ENOX1: variants seen among roughly 807,000 people sequenced by gnomAD.
ENOX1 encodes ecto-NOX disulfide-thiol exchanger 1, also known as candidate growth-related and time keeping constitutive hydroquinone (NADH) oxidase.
ENOX1 carries 42 observed loss-of-function variants against 82.5 expected under a neutral mutation model. That is an observed-to-expected ratio of 0.51 (90% CI 0.40 to 0.66). The LOEUF is 0.66. ENOX1 is among the 30% of genes least tolerant of loss of function. The pLI, the probability that ENOX1 is intolerant of heterozygous loss-of-function variation, is 0.00. For missense variants in ENOX1, 608 were observed against 811.6 expected (o/e 0.75, Z 3.05); for synonymous variants, 271 against 282.2 (o/e 0.96, Z 0.40).
Position 43,537,115 on chromosome 13 carries a change from A to T in ENOX1, c.-218-52963T>A, listed in dbSNP as rs575710689. Among the ~76,000 whole-genome samples the T allele has an allele frequency of 4.6e-5, 7 of 152,346 alleles. No individual in the cohort carries two copies. The East Asian group carries it at 1.4e-3, about 29-fold the overall frequency. The stretch of plus-strand genomic sequence containing the variant: ...ATCCTGGGCAGAGAAACTGCAATAA[A>T]TGCAGAGCTAATAATTCAGAATGGT... On this transcript the variant is annotated intron_variant, in intron 2 of 16. Transcript: ENST00000690772.
chr13:43,252,292 T>C (rs1426369819), intron 14 of ENOX1, among the ~76,000 whole-genome samples: 1 of 152,084 alleles, frequency 6.6e-6, no homozygotes, highest in East Asian at 1.9e-4. Flanking sequence ...TTGAGGTTTT[T>C]CTTGGAAAAA....
intron 2 of ENOX1, among the ~76,000 whole-genome samples, chr13:43,638,064 C>T (rs761880608): frequency 7.2e-5 from 11 of 152,160 alleles, no homozygotes; most frequent in Non-Finnish European, 1.5e-4. Context: ...TTGTTCAACT[C>T]GTCCTCTAAG....
intron 1 of ENOX1, among the ~76,000 whole-genome samples, chr13:43,685,385 T>C (rs1177948419): frequency 6.6e-6 from 1 of 151,728 alleles, no homozygotes; most frequent in Non-Finnish European, 1.5e-5. Flanking sequence ...TGGTAAGGAG[T>C]TGAGTATGGC....
At chr13:43,329,846 ACT>A (rs1407978555) in intron 9 of ENOX1, among the ~76,000 whole-genome samples, 2 of 152,144 alleles carry the variant, frequency 1.3e-5, no homozygotes, top group African/African-American at 4.8e-5. Context: ...TGCTGCACAC[ACT>A]GTCCCTGAAC....
chr13:43,581,642 T>C (rs2080747084), intron 2 of ENOX1, among the ~76,000 whole-genome samples: 1 of 152,110 alleles, frequency 6.6e-6, no homozygotes, highest in Admixed American at 6.5e-5. Flanking sequence ...TGATTACGAG[T>C]GATACTTTCC....
In ENOX1 at chr13:43,355,798, C is replaced by G; in HGVS notation, c.823+121G>C. ...CTGTGCTTACACCAGACTCTTACAG[C>G]CTTCTTAAGGCATAGCAGACATTGT... is the stretch of plus-strand genomic sequence containing the variant. On this transcript the variant is annotated intron_variant, in intron 8 of 16. Transcript: ENST00000690772. The G allele has an allele frequency of 7.8e-6, 8 of 1,020,382 alleles. 1 individual carries two copies. The highest frequency in any genetic ancestry group is 6.2e-5 in the South Asian group (4 of 65,028). 63.2% of individuals were successfully genotyped at this position (1,020,382 alleles called of 1,614,324 possible). A position where few individuals can be genotyped will look rare whatever the true frequency, so the allele number is the denominator to read the frequency against.
intron 9 of ENOX1, among the ~76,000 whole-genome samples, chr13:43,337,824 A>T (rs1266716555): frequency 2.0e-5 from 3 of 152,152 alleles, no homozygotes; most frequent in Admixed American, 2.0e-4. Context: ...CCCATAAACT[A>T]CTAAATGACC....
chr13:43,779,664 C>A (rs1952138171), intron 1 of ENOX1, among the ~76,000 whole-genome samples: 2 of 152,132 alleles, frequency 1.3e-5, no homozygotes, highest in African/African-American at 4.8e-5. Context: ...TTCCTATGAA[C>A]AGACAGATTT....
intron 2 of ENOX1, among the ~76,000 whole-genome samples, chr13:43,665,253 TA>T (rs2084921367): frequency 6.6e-6 from 1 of 152,166 alleles, no homozygotes; most frequent in Admixed American, 6.5e-5. Context: ...TTCCTGGAAG[TA>T]ACAGTAGACA....
At chr13:43,281,767 T>A (rs954444996) in intron 12 of ENOX1, among the ~76,000 whole-genome samples, 1 of 152,214 alleles carries the variant, frequency 6.6e-6, no homozygotes, top group Non-Finnish European at 1.5e-5. Flanking sequence ...ACGGGAGGGA[T>A]AACACCAAGG....
intron 2 of ENOX1, among the ~76,000 whole-genome samples, chr13:43,659,581 T>C (rs1269541340): frequency 6.6e-6 from 1 of 152,172 alleles, no homozygotes; most frequent in Non-Finnish European, 1.5e-5. Context: ...TCTCATGATA[T>C]TAGACATTTC....
intron 2 of ENOX1, among the ~76,000 whole-genome samples, chr13:43,652,468 T>A (rs1393015318): frequency 6.6e-6 from 1 of 152,182 alleles, no homozygotes; most frequent in African/African-American, 2.4e-5. Context: ...ACTTGTCAGC[T>A]GAGGGCCCTT....
intron 2 of ENOX1, among the ~76,000 whole-genome samples, chr13:43,579,464 G>A (rs1312939756): frequency 1.3e-5 from 2 of 152,180 alleles, no homozygotes; most frequent in Admixed American, 1.3e-4. Context: ...CTTCCCAGAT[G>A]CAAAGACAAT....
chr13:43,612,861 C>T (rs989607797), intron 2 of ENOX1, among the ~76,000 whole-genome samples: 1 of 19,402 alleles, frequency 5.2e-5, no homozygotes. Context: ...TTTCTTTACT[C>T]ACTTCATCAT....
At chr13:43,490,697 C>A (rs191966458) in intron 2 of ENOX1, among the ~76,000 whole-genome samples, 319 of 152,296 alleles carry the variant, frequency 2.1e-3, no homozygotes, top group Admixed American at 6.8e-3. Context: ...TCCGGAATAA[C>A]CATCTTGGAA....
intron 1 of ENOX1, among the ~76,000 whole-genome samples, chr13:43,784,741 C>T (rs1207976678): frequency 1.3e-5 from 2 of 152,228 alleles, no homozygotes; most frequent in African/African-American, 4.8e-5. Context: ...TAAAATAACA[C>T]ACAGTGTACT....
chr13:43,421,805 C>T (rs1260185943), intron 3 of ENOX1, among the ~76,000 whole-genome samples: 1 of 151,068 alleles, frequency 6.6e-6, no homozygotes, highest in Non-Finnish European at 1.5e-5. Context: ...AAGCAAAGTA[C>T]CTGAAATGTG....
chr13:43,230,811 T>C (rs2042244035), intron 15 of ENOX1, among the ~76,000 whole-genome samples: 1 of 152,264 alleles, frequency 6.6e-6, no homozygotes, highest in East Asian at 1.9e-4. Context: ...GGGTTAGCCC[T>C]GTTATAGTTT....
At chr13:43,580,040 CT>C (rs1022909765) in intron 2 of ENOX1, among the ~76,000 whole-genome samples, 1 of 152,016 alleles carries the variant, frequency 6.6e-6, no homozygotes, top group Non-Finnish European at 1.5e-5. Flanking sequence ...GTAATCATGC[CT>C]TTTTAAAAAA....
Sources: allele counts gnomAD v4.1 joint callset (sites outside exome capture counted in the v4.1 genomes callset), GRCh38; gene constraint gnomAD v4.1.1; transcripts MANE v1.5; gene names NCBI Gene and HGNC (gene_info 2026-07-23, HGNC 2026-07-21).